The following YBX2 variants were observed in gnomAD, a reference collection of about 807,000 sequenced individuals.
YBX2 encodes the protein Y-box-binding protein 2.
YBX2 carries 5 observed loss-of-function variants against 44.4 expected under a neutral mutation model. The ratio of observed to expected loss-of-function variants is 0.11; its 90% confidence interval spans 0.06 to 0.24. The LOEUF (loss-of-function observed/expected upper bound fraction) is 0.24, where lower values mean the gene tolerates loss of function less well. Ranked by LOEUF, YBX2 falls within the 10% of genes least tolerant of loss-of-function variation. The pLI is 1.00. For synonymous variants in YBX2, 188 were observed against 216.1 expected (o/e 0.87, Z 1.14); for missense variants, 417 against 526.9 (o/e 0.79, Z 2.04).
chr17:7,289,507 C>T (rs1218123573), intron 7 of YBX2, 23 bp downstream of exon 7: 4 of 1,580,882 alleles, frequency 2.5e-6, no homozygotes, highest in Non-Finnish European at 3.4e-6. Context: ...CCTTTTCTTT[C>T]ATCCCACATC....
chr17:7,288,821 G>T lies in YBX2; in HGVS notation c.1062C>A (p.Asn354Lys). The T allele has an allele frequency of 6.2e-7, 1 of 1,613,964 alleles. No individual in the cohort carries two copies. The highest frequency in any genetic ancestry group is 2.2e-5 in the East Asian group (1 of 44,880). ...GGATGGTGGTGGTGGGGTCCCCACT[G>T]TTGACAGGGGCTGAGGTCTAAAGAA... The part of the protein sequence containing the change: ...PAAPETSAPV[N>K]SGDPTTTILE The change falls in exon 8 of 9, where the codon AAC (asparagine) becomes AAA (lysine). Residue 354 changes from asparagine (N) to lysine (K), a missense_variant. By Grantham distance (94) the Asn-to-Lys change is moderately conservative (BLOSUM62 0). Around this residue, in one of 3 missense-constraint regions of YBX2, gnomAD observed 257 missense variants for 261.7 expected, o/e 0.98. Coordinates refer to ENST00000007699, the MANE Select transcript of YBX2 (RefSeq NM_015982.4).
At chr17:7,290,223 T>C in intron 5 of YBX2, 28 bp downstream of exon 5, 21 of 1,606,878 alleles carry the variant, frequency 1.3e-5, no homozygotes, top group Non-Finnish European at 1.8e-5. Flanking sequence ...CTTGGGGAAC[T>C]GGCTCCCATA....
Position 7,289,984 on chromosome 17 carries a change from G to T in YBX2, c.832C>A (p.Arg278=), listed in dbSNP as rs1024267000. ...GDERVPPPRF[R]PRYRRPFRPR... ...GGGTCTTACCTTCGGTACCTGGGCC[G>T]GAATCTGGGCGGGGGGACTCGCTCA... Residue 278 remains arginine (R), a synonymous_variant, in exon 6 of 9, where the codon CGG becomes AGG. Transcript: ENST00000007699. 6.2e-7 allele frequency: 1 copy of T among 1,614,122 alleles called. No individual in the cohort carries two copies. Among genetic ancestry groups the T allele is most frequent in the African/African-American group, 1.3e-5 (1 of 74,944 alleles).
Position 7,294,148 on chromosome 17 carries a change from T to C in YBX2, c.271+82A>G. On this transcript the variant is annotated intron_variant, in intron 1 of 8. Transcript: ENST00000007699. The surrounding 1 kb of genome is among the most constrained non-coding windows in gnomAD (Gnocchi z 4.6). ...CTGCGGGCCAGGCCGCCTTTGGTTT[T>C]CCGGATCCTGCCGGGCTCCACACTG... 1 of 1,230,024 alleles carries C rather than the reference T, an allele frequency of 8.1e-7. No homozygotes were observed. Among genetic ancestry groups the C allele is most frequent in the Non-Finnish European group, 1.0e-6 (1 of 986,542 alleles). 76.2% of individuals were successfully genotyped at this position (1,230,024 alleles called of 1,614,324 possible).
chr17:7,289,477 G>C (rs535620344), intron 7 of YBX2, 53 bp downstream of exon 7: 4 of 1,553,924 alleles, frequency 2.6e-6, no homozygotes, highest in African/African-American at 1.4e-5. Flanking sequence ...GGAGCAGGTG[G>C]GGGAGGGAGC....
chr17:7,291,229 G>A lies in YBX2; in HGVS notation c.370-47C>T. 6.3e-7 allele frequency: 1 copy of A among 1,587,362 alleles called. No individual in the cohort carries two copies. The highest frequency in any genetic ancestry group is 8.7e-7 in the Non-Finnish European group (1 of 1,155,952). On this transcript the variant is annotated intron_variant, in intron 3 of 8. Transcript: ENST00000007699. The surrounding 1 kb of genome is among the most constrained non-coding windows in gnomAD (Gnocchi z 5.8). Reference sequence around the variant, plus strand: ...TGAAAAGTGAGACAGCAAGACAGGAGTCTCTGTCACCCCTGCTGGGGCCAC... The same window carrying A: ...TGAAAAGTGAGACAGCAAGACAGGAATCTCTGTCACCCCTGCTGGGGCCAC...
chr17:7,288,688 TGTC>T, intron 8 of YBX2, 45 bp from the exon 9 acceptor site: 1 of 1,401,504 alleles, frequency 7.1e-7, no homozygotes, highest in Non-Finnish European at 1.0e-6. Flanking sequence ...AACAGCGACT[TGTC>T]ATCGCCACCC....
At position 7,290,458 on chromosome 17, in the gene YBX2, C is replaced by T. The variant is rs1421050174; in HGVS notation, c.537G>A (p.Lys179=). 6.2e-7 allele frequency: 1 copy of T among 1,614,072 alleles called. No individual in the cohort carries two copies. Among genetic ancestry groups the T allele is most frequent in the African/African-American group, 1.3e-5 (1 of 75,062 alleles). The change falls in exon 5 of 9, where the codon AAG becomes AAA. Residue 179 remains lysine (K), a synonymous_variant. Coordinates refer to ENST00000007699, the MANE Select transcript of YBX2 (RefSeq NM_015982.4). The part of the protein sequence containing the change: ...KGSRYAPNRR[K]SRRFIPRPPS... The stretch of plus-strand genomic sequence containing the variant: ...GAGGCCGGGGGATGAATCGGCGGGA[C>T]TTACGTCGGTTGGGGGCATAACGGC...
Position 7,290,438 on chromosome 17 carries a change from C to G in YBX2, c.557G>C (p.Arg186Pro), listed in dbSNP as rs748338245. ...NRRKSRRFIP[R>P]PPSVAPPPMV... is the part of the protein sequence containing the mutation. The stretch of plus-strand genomic sequence containing the variant: ...GGGTGGTGGGGCAACTGAGGGAGGC[C>G]GGGGGATGAATCGGCGGGACTTACG... The change falls in exon 5 of 9, where the codon CGG becomes CCG. Residue 186 changes from arginine to proline, a missense_variant. Physicochemically the swap from Arg to Pro is moderately radical, Grantham distance 103. Around this residue, in one of 3 missense-constraint regions of YBX2, gnomAD observed 257 missense variants for 261.7 expected, o/e 0.98. Coordinates refer to ENST00000007699, the MANE Select transcript of YBX2 (RefSeq NM_015982.4). 2.5e-6 allele frequency: 4 copies of G among 1,613,920 alleles called. No homozygotes were observed. Among genetic ancestry groups the G allele is most frequent in the Admixed American group, 1.7e-5 (1 of 59,990 alleles).
Position 7,291,129 on chromosome 17 carries a change from C to T in YBX2, c.423G>A (p.Gly141=), listed in dbSNP as rs2072498753. ...PRKFLRSVGD[G]ETVEFDVVEG... The stretch of plus-strand genomic sequence containing the variant: ...CCACGACATCAAATTCCACAGTCTC[C>T]CCATCTCCAACGCTGCGCAGAAACT... Residue 141 remains glycine, a synonymous_variant, in exon 4 of 9, where the codon GGG becomes GGA. Coordinates refer to ENST00000007699, the MANE Select transcript of YBX2 (RefSeq NM_015982.4). This position sits in a 1 kb window ranked among gnomAD's most constrained non-coding sequence, Gnocchi z 5.8. The T allele has an allele frequency of 6.2e-7, 1 of 1,613,316 alleles. No individual in the cohort carries two copies. Among genetic ancestry groups the T allele is most frequent in the Non-Finnish European group, 8.5e-7 (1 of 1,180,016 alleles).
rs1266784082 is a variant in YBX2, at chr17:7,289,954, C to T, written c.848+14G>A. On this transcript the variant is annotated intron_variant, in intron 6 of 8. Coordinates refer to ENST00000007699, the MANE Select transcript of YBX2 (RefSeq NM_015982.4). ...CTGGAAGGGGAAGACCAAGCCCCAG[C>T]AGGGGGGTCTTACCTTCGGTACCTG... is the stretch of plus-strand genomic sequence containing the variant. 6.2e-7 allele frequency: 1 copy of T among 1,613,352 alleles called. No individual in the cohort carries two copies.
At chr17:7,293,384 C>G in intron 2 of YBX2, 91 bp downstream of exon 2, 1 of 1,591,644 alleles carries the variant, frequency 6.3e-7, no homozygotes, top group Non-Finnish European at 8.6e-7. Flanking sequence ...CATGTGCCTC[C>G]GCAGGGGTCG....
In YBX2 at chr17:7,290,340, G is replaced by A. The variant is rs373587800; in HGVS notation, c.655C>T (p.Arg219Trp). 305 of 1,613,802 alleles carry A rather than the reference G, an allele frequency of 1.9e-4. No homozygotes were observed. The highest frequency in any genetic ancestry group is 9.9e-4 in the South Asian group (90 of 91,070). Residue 219 changes from arginine to tryptophan, a missense_variant, in exon 5 of 9, where the codon CGG (arginine) becomes TGG (tryptophan). Transcript: ENST00000007699. ...GGTGGGGGGCACCATCGTCGGGGCC[G>A]TTGCCCAGAGTCTTCAGCCCGCTCC... ...KGERAEDSGQRPRRWCPPPFF... is the reference protein window; with the variant it reads ...KGERAEDSGQWPRRWCPPPFF...
chr17:7,288,562 G>C lies in YBX2; in HGVS notation c.*121C>G. 1 of 539,310 alleles carries C rather than the reference G, an allele frequency of 1.9e-6. No individual in the cohort carries two copies. Among genetic ancestry groups the C allele is most frequent in the African/African-American group, 1.9e-5 (1 of 52,570 alleles). The allele number at this position is 539,310 out of a possible 1,614,324, so 33.4% of individuals were successfully genotyped here. ...GTCTCAAGGAAAAGGTGAAAAGCTG[G>C]TGTTTTGATGTCATGAATTATGGGA... On this transcript the variant is annotated 3_prime_UTR_variant, in exon 9 of 9. Coordinates refer to ENST00000007699, the MANE Select transcript of YBX2 (RefSeq NM_015982.4).
At position 7,288,532 on chromosome 17, in the gene YBX2, C is replaced by T. The variant is rs2072471700; in HGVS notation, c.*151G>A. ...AGCAAAAGGCTGCTGCTTTGGTCCTCCTGAGTCTCAAGGAAAAGGTGAAAA... is the reference window on the plus strand; with the variant it reads ...AGCAAAAGGCTGCTGCTTTGGTCCTTCTGAGTCTCAAGGAAAAGGTGAAAA... On this transcript the variant is annotated 3_prime_UTR_variant, in exon 9 of 9. Coordinates refer to ENST00000007699, the MANE Select transcript of YBX2 (RefSeq NM_015982.4). The T allele has an allele frequency of 1.2e-5, 6 of 485,158 alleles. No homozygotes were observed. The South Asian group carries it at 1.3e-4, about 11-fold the overall frequency. The allele number at this position is 485,158 out of a possible 1,614,324, so 30.1% of individuals were successfully genotyped here.
chr17:7,293,614 A>G, intron 1 of YBX2, 76 bp from the exon 2 acceptor site: 2 of 1,606,936 alleles, frequency 1.2e-6, no homozygotes, highest in Non-Finnish European at 1.7e-6. Flanking sequence ...GAGACACTCC[A>G]AAACAAAAAA....
In YBX2 at chr17:7,290,333, C is replaced by T. The variant is rs767209415; in HGVS notation, c.662G>A (p.Arg221Gln). ...GAAGAAGGGTGGGGGGCACCATCGT[C>T]GGGGCCGTTGCCCAGAGTCTTCAGC... Reference protein sequence around the residue: ...ERAEDSGQRPRRWCPPPFFYR... With the variant: ...ERAEDSGQRPQRWCPPPFFYR... The change falls in exon 5 of 9, where the codon CGA becomes CAA. Residue 221 changes from arginine to glutamine, a missense_variant. By Grantham distance (43) the Arg-to-Gln change is conservative. Around this residue, in one of 3 missense-constraint regions of YBX2, gnomAD observed 257 missense variants for 261.7 expected, o/e 0.98. Transcript: ENST00000007699. 26 of 1,613,668 alleles carry T rather than the reference C, an allele frequency of 1.6e-5. No homozygotes were observed. The highest frequency in any genetic ancestry group is 1.6e-4 in the Middle Eastern group (1 of 6,082).
chr17:7,290,795 C>T (rs1405939306), intron 4 of YBX2, among the ~76,000 whole-genome samples: 1 of 152,210 alleles, frequency 6.6e-6, no homozygotes, highest in Non-Finnish European at 1.5e-5. Flanking sequence ...CCAGCATCCA[C>T]CTTTTTACTC....
intron 7 of YBX2, among the ~76,000 whole-genome samples, chr17:7,289,151 C>T (rs962470983): frequency 6.6e-6 from 1 of 152,166 alleles, no homozygotes; most frequent in African/African-American, 2.4e-5. Flanking sequence ...CATGAGACAT[C>T]GCGCAGGGCT....
Sources: allele counts gnomAD v4.1 joint callset (sites outside exome capture counted in the v4.1 genomes callset), GRCh38; gene constraint gnomAD v4.1.1; regional missense constraint gnomAD v4.1.1; non-coding constraint Gnocchi (gnomAD v3.1); transcripts MANE v1.5; gene names NCBI Gene and HGNC (gene_info 2026-07-23, HGNC 2026-07-21).